Variants in TEX15 observed in about 807,000 individuals in gnomAD.
TEX15 encodes testis expressed 15, meiosis and synapsis associated.
Under a neutral mutation model 237.3 loss-of-function variants are expected in TEX15, and 171 were observed. That is an observed-to-expected ratio of 0.72 (90% confidence interval 0.64 to 0.82). The LOEUF (loss-of-function observed/expected upper bound fraction) is 0.82. TEX15 is among the 40% of genes least tolerant of loss of function. The pLI is 0.00. For synonymous variants in TEX15, 1,338 were observed against 1,269.8 expected, an observed-to-expected ratio of 1.05 and a Z score of -1.14; for missense variants, 3,750 against 3,646.5, an observed-to-expected ratio of 1.03 and a Z score of -0.73.
At chr8:30,864,715 A>G (rs1451461096) in intron 5 of TEX15, among the ~76,000 whole-genome samples, 1 of 152,100 alleles carries the variant, frequency 6.6e-6, no homozygotes, top group East Asian at 1.9e-4. Flanking sequence ...AAAGGATGCT[A>G]ATATGATACT....
Position 30,845,808 on chromosome 8 carries a change from G to A in TEX15, c.4359C>T (p.Asp1453=). 6.2e-7 allele frequency: 1 copy of A among 1,609,082 alleles called. No individual in the cohort carries two copies. Among genetic ancestry groups the A allele is most frequent in the Non-Finnish European group, 8.5e-7 (1 of 1,178,744 alleles). The change falls in exon 8 of 11, where the codon GAC becomes GAT. Residue 1453 remains aspartate (D), a synonymous_variant. Transcript: ENST00000643185. ...TTGGAGCTCTTTTCTTTCTCCGTTT[G>A]TCATATTTTCTTTTTGACGAAAAAT... is the stretch of plus-strand genomic sequence containing the variant. The part of the protein sequence containing the change: ...TKHFSSKRKY[D]KRRKKRAPKA...
intron 1 of TEX15, among the ~76,000 whole-genome samples, chr8:30,906,514 C>T (rs995748606): frequency 3.3e-5 from 5 of 150,682 alleles, no homozygotes; most frequent in Non-Finnish European, 5.9e-5. Context: ...GATGTGAACC[C>T]GGGAGGCGGA....
chr8:30,896,282 G>A (rs1808904069), intron 2 of TEX15, among the ~76,000 whole-genome samples: 1 of 152,178 alleles, frequency 6.6e-6, no homozygotes, highest in Non-Finnish European at 1.5e-5. Flanking sequence ...ATGCATGGCA[G>A]TAGTTTTATC....
intron 5 of TEX15, among the ~76,000 whole-genome samples, chr8:30,865,076 C>G (rs1808132046): frequency 6.6e-6 from 1 of 151,838 alleles, no homozygotes; most frequent in Non-Finnish European, 1.5e-5. Flanking sequence ...CAAACTGTTA[C>G]TTAGACTAAG....
In TEX15 at chr8:30,873,445, T is replaced by A. The variant is rs150078731; in HGVS notation, c.302+1492A>T. Among the ~76,000 whole-genome samples, 6 of 152,228 alleles carry A rather than the reference T, an allele frequency of 3.9e-5. No homozygotes were observed. In the East Asian group the frequency reaches 1.2e-3, roughly 29 times the overall value. The stretch of plus-strand genomic sequence containing the variant: ...GTCAAGGCACTCTAATATGCTGAGT[T>A]TTTGGTAGAAATTTTCTCAAAAACT... On this transcript the variant is annotated intron_variant, in intron 4 of 10. Coordinates refer to ENST00000643185, the MANE Select transcript of TEX15 (RefSeq NM_001350162.2).
chr8:30,861,654 G>A (rs1808053151), intron 5 of TEX15, among the ~76,000 whole-genome samples: 3 of 152,000 alleles, frequency 2.0e-5, no homozygotes, highest in Admixed American at 2.0e-4. Flanking sequence ...GAAGAAGCTG[G>A]GTGCATTATA....
chr8:30,859,930 A>AGTTCAATG lies in TEX15; in HGVS notation c.660_667dup (p.Leu223ProfsTer23). On this transcript the variant is annotated frameshift_variant, in exon 6 of 11. Coordinates refer to ENST00000643185, the MANE Select transcript of TEX15 (RefSeq NM_001350162.2). LOFTEE classifies it high-confidence loss of function. ...ACATACTGCTGAACTGTAGGCTTGCAGTTCAATGGTATCTTTCAAAGAAGG... is the reference window on the plus strand; with the variant it reads ...ACATACTGCTGAACTGTAGGCTTGCAGTTCAATGGTTCAATGGTATCTTTCAAAGAAGG... 1 of 1,496,036 alleles carries AGTTCAATG rather than the reference A, an allele frequency of 6.7e-7. No homozygotes were observed. The highest frequency in any genetic ancestry group is 1.3e-5 in the South Asian group (1 of 74,956). 92.7% of individuals were successfully genotyped at this position (1,496,036 alleles called of 1,614,324 possible). A position where few individuals can be genotyped will look rare whatever the true frequency, so the allele number is the denominator to read the frequency against.
chr8:30,905,179 CTGTT>C (rs1430039738), intron 1 of TEX15, among the ~76,000 whole-genome samples: 6 of 151,316 alleles, frequency 4.0e-5, no homozygotes, highest in Non-Finnish European at 8.8e-5. Flanking sequence ...TCTTCAGAAA[CTGTT>C]TGATCGTGCA....
intron 1 of TEX15, among the ~76,000 whole-genome samples, chr8:30,904,912 T>G (rs1809069684): frequency 1.3e-5 from 2 of 152,198 alleles, no homozygotes. Flanking sequence ...AATGGAGTTA[T>G]GCCCAGAAAA....
Position 30,847,762 on chromosome 8 carries a change from T to A in TEX15, c.2405A>T (p.Glu802Val), listed in dbSNP as rs1273654032. The change falls in exon 8 of 11, where the codon GAA becomes GTA. Residue 802 changes from glutamate (E) to valine (V), a missense_variant. By Grantham distance (121) the Glu-to-Val change is moderately radical. Coordinates refer to ENST00000643185, the MANE Select transcript of TEX15 (RefSeq NM_001350162.2). ...HDSSNCSITREHICVHRKNEN... is the reference protein window; with the variant it reads ...HDSSNCSITRVHICVHRKNEN... ...ATTTTTCCTATGGACACATATATGT[T>A]CTCTAGTTATGCTGCAATTTGAACT... 6.2e-7 allele frequency: 1 copy of A among 1,613,620 alleles called. No individual in the cohort carries two copies. Among genetic ancestry groups the A allele is most frequent in the Admixed American group, 1.7e-5 (1 of 59,996 alleles).
At chr8:30,852,976 G>C (rs1241852902) in intron 7 of TEX15, among the ~76,000 whole-genome samples, 1 of 152,142 alleles carries the variant, frequency 6.6e-6, no homozygotes, top group African/African-American at 2.4e-5. Flanking sequence ...CATGTGACTA[G>C]TGGCTACTGT....
intron 3 of TEX15, among the ~76,000 whole-genome samples, chr8:30,877,221 G>C (rs924854977): frequency 1.2e-4 from 19 of 152,166 alleles, no homozygotes; most frequent in Non-Finnish European, 2.4e-4. Flanking sequence ...TCAAATTCTA[G>C]AGCCCTACGT....
chr8:30,857,169 G>C (rs1585292142), intron 7 of TEX15, among the ~76,000 whole-genome samples: 1 of 152,260 alleles, frequency 6.6e-6, no homozygotes, highest in East Asian at 1.9e-4. Flanking sequence ...TATAGAGGTG[G>C]TACTGCAGTA....
At chr8:30,909,746 C>T (rs185156719) in intron 1 of TEX15, among the ~76,000 whole-genome samples, 63 of 152,238 alleles carry the variant, frequency 4.1e-4, no homozygotes, top group African/African-American at 1.4e-3. Flanking sequence ...CACCACAGAA[C>T]ATCAATTTTA....
chr8:30,881,762 C>T (rs2128774847), intron 3 of TEX15, among the ~76,000 whole-genome samples: 1 of 151,974 alleles, frequency 6.6e-6, no homozygotes, highest in Middle Eastern at 3.4e-3. Flanking sequence ...GCTGGGATTA[C>T]AGGCGCATAC....
At chr8:30,858,317 T>A (rs1807956765) in intron 7 of TEX15, among the ~76,000 whole-genome samples, 1 of 151,916 alleles carries the variant, frequency 6.6e-6, no homozygotes, top group African/African-American at 2.4e-5. Flanking sequence ...CTTTTTCTTT[T>A]TTTTTTTTTG....
intron 1 of TEX15, among the ~76,000 whole-genome samples, chr8:30,908,880 A>C (rs545905432): frequency 1.3e-5 from 2 of 152,332 alleles, no homozygotes; most frequent in African/African-American, 4.8e-5. Flanking sequence ...ACACAAGTCC[A>C]TGTATCCTAA....
intron 5 of TEX15, among the ~76,000 whole-genome samples, chr8:30,865,433 G>A (rs1375927650): frequency 1.3e-5 from 2 of 152,056 alleles, no homozygotes; most frequent in South Asian, 2.1e-4. Context: ...AATTGAAGGG[G>A]AGGAGATACT....
At chr8:30,891,387 C>T (rs1427360151) in intron 2 of TEX15, among the ~76,000 whole-genome samples, 2 of 152,158 alleles carry the variant, frequency 1.3e-5, no homozygotes, top group African/African-American at 4.8e-5. Flanking sequence ...TCTCCATATT[C>T]TCATCAACAC....
Sources: allele counts gnomAD v4.1 joint callset (sites outside exome capture counted in the v4.1 genomes callset), GRCh38; gene constraint gnomAD v4.1.1; transcripts MANE v1.5; gene names NCBI Gene and HGNC (gene_info 2026-07-23, HGNC 2026-07-21).